The following IPCEF1 variants were observed in gnomAD, a reference collection of about 807,000 sequenced individuals.
IPCEF1 encodes the protein interaction protein for cytohesin exchange factors 1.
Under a neutral mutation model 50.9 loss-of-function variants are expected in IPCEF1, and 31 were observed. The observed-to-expected ratio is 0.61, with a 90% confidence interval of 0.46 to 0.82. IPCEF1 has a LOEUF of 0.82. IPCEF1 is among the 40% of genes least tolerant of loss of function. The pLI, the probability that IPCEF1 is intolerant of heterozygous loss-of-function variation, is 0.00. For missense variants in IPCEF1, 458 were observed against 514.0 expected (o/e 0.89, Z 1.05); for synonymous variants, 181 against 192.0 (o/e 0.94, Z 0.47).
At chr6:154,177,543 G>T (rs1217558301) in intron 10 of IPCEF1, among the ~76,000 whole-genome samples, 1 of 152,106 alleles carries the variant, frequency 6.6e-6, no homozygotes, top group African/African-American at 2.4e-5. Flanking sequence ...AAAAAATGCT[G>T]ATCATCACTG....
chr6:154,168,166 G>A lies in IPCEF1; in HGVS notation c.911-53C>T. On this transcript the variant is annotated intron_variant, in intron 10 of 11. Transcript: ENST00000367220. The surrounding 1 kb of genome is among the most constrained non-coding windows in gnomAD (Gnocchi z 4.1). Reference sequence around the variant, plus strand: ...AACAATAAACCCAGTGAAAAATCAAGGAGAGAACATTCAATACTGTGGTCC... The same window carrying A: ...AACAATAAACCCAGTGAAAAATCAAAGAGAGAACATTCAATACTGTGGTCC... 1.6e-5 allele frequency: 22 copies of A among 1,383,696 alleles called. No individual in the cohort carries two copies. Among genetic ancestry groups the A allele is most frequent in the Non-Finnish European group, 2.1e-5 (21 of 1,017,608 alleles). 85.7% of individuals were successfully genotyped at this position (1,383,696 alleles called of 1,614,324 possible).
chr6:154,201,276 T>C (rs564889231), intron 9 of IPCEF1, among the ~76,000 whole-genome samples: 1 of 152,362 alleles, frequency 6.6e-6, no homozygotes, highest in African/African-American at 2.4e-5. Context: ...TCATTTATTC[T>C]GAGATTTTTA....
chr6:154,242,201 G>A (rs1197927004), intron 5 of IPCEF1, among the ~76,000 whole-genome samples: 1 of 152,130 alleles, frequency 6.6e-6, no homozygotes, highest in Non-Finnish European at 1.5e-5. Context: ...ACTTCTCAAA[G>A]ATCCTAATAA....
chr6:154,172,726 G>C (rs1019010010), intron 10 of IPCEF1, among the ~76,000 whole-genome samples: 1 of 152,246 alleles, frequency 6.6e-6, no homozygotes, highest in African/African-American at 2.4e-5. Context: ...ACCTCTGGGG[G>C]CAGGGCATAT....
chr6:154,174,005 G>A (rs1229350187), intron 10 of IPCEF1, among the ~76,000 whole-genome samples: 2 of 152,146 alleles, frequency 1.3e-5, no homozygotes, highest in Admixed American at 6.5e-5. Context: ...AGAAGAGAGT[G>A]GGGGCCAATA....
chr6:154,275,492 G>A (rs925056269), intron 2 of IPCEF1, among the ~76,000 whole-genome samples: 2 of 152,170 alleles, frequency 1.3e-5, no homozygotes, highest in African/African-American at 4.8e-5. Flanking sequence ...AGCTGATACA[G>A]TGCTCTAGAA....
At chr6:154,296,777 G>A (rs922338702) in intron 1 of IPCEF1, among the ~76,000 whole-genome samples, 2 of 150,788 alleles carry the variant, frequency 1.3e-5, no homozygotes, top group Non-Finnish European at 3.0e-5. Context: ...TGCAGTGAGC[G>A]GAGATCACCC....
intron 5 of IPCEF1, among the ~76,000 whole-genome samples, chr6:154,239,404 A>G (rs1780397068): frequency 6.6e-6 from 1 of 152,248 alleles, no homozygotes; most frequent in African/African-American, 2.4e-5. Flanking sequence ...CCATTTAAAA[A>G]TTCATTTCCA....
At chr6:154,286,679 T>A (rs2128666864) in intron 2 of IPCEF1, among the ~76,000 whole-genome samples, 1 of 152,134 alleles carries the variant, frequency 6.6e-6, no homozygotes, top group Admixed American at 6.5e-5. Flanking sequence ...AAATGGGGAA[T>A]GGGGAGAGCA....
intron 10 of IPCEF1, among the ~76,000 whole-genome samples, chr6:154,180,414 A>ATTTTTTTTTT (rs761333730): frequency 4.6e-5 from 3 of 65,270 alleles, no homozygotes; most frequent in African/African-American, 1.4e-4. Context: ...ATATATATAT[A>ATTTTTTTTTT]TTTTTTTTTT....
At chr6:154,190,400 G>A (rs9478515) in intron 10 of IPCEF1, among the ~76,000 whole-genome samples, 13 of 152,008 alleles carry the variant, frequency 8.6e-5, no homozygotes, top group South Asian at 2.1e-4. Context: ...GCAAAAAAGC[G>A]TATGAAAAGA....
intron 3 of IPCEF1, among the ~76,000 whole-genome samples, chr6:154,261,439 A>G (rs1260550502): frequency 6.6e-6 from 1 of 152,186 alleles, no homozygotes; most frequent in Admixed American, 6.5e-5. Flanking sequence ...TCATGTGGCA[A>G]TTGGATTGGA....
chr6:154,306,317 G>A (rs1583971402), intron 1 of IPCEF1, among the ~76,000 whole-genome samples: 1 of 151,938 alleles, frequency 6.6e-6, no homozygotes. Flanking sequence ...GAATGACCTC[G>A]AGTTAGAGTC....
chr6:154,323,260 C>T (rs964510552), intron 1 of IPCEF1, among the ~76,000 whole-genome samples: 1 of 152,148 alleles, frequency 6.6e-6, no homozygotes, highest in East Asian at 1.9e-4. Context: ...TTGCCCCTAG[C>T]GCCCCTCAAC....
In IPCEF1 at chr6:154,158,992, T is replaced by A. The variant is rs1185452396; in HGVS notation, c.*836A>T. 1 of 152,300 alleles carries A rather than the reference T, an allele frequency of 6.6e-6. No individual in the cohort carries two copies. The highest frequency in any genetic ancestry group is 1.9e-4 in the East Asian group (1 of 5,188). 9.4% of individuals were successfully genotyped at this position (152,300 alleles called of 1,614,324 possible). On this transcript the variant is annotated 3_prime_UTR_variant, in exon 12 of 12. Transcript: ENST00000367220. ...CAATATTGATCCTGGGAAACCTGGA[T>A]ATAAATTCACACTATGTATAGGGAT...
intron 5 of IPCEF1, among the ~76,000 whole-genome samples, chr6:154,226,253 T>C (rs911367691): frequency 1.3e-5 from 2 of 152,124 alleles, no homozygotes; most frequent in African/African-American, 4.8e-5. Context: ...TCCACATATA[T>C]CCAAAATCCA....
chr6:154,326,760 A>G (rs1444416054), intron 1 of IPCEF1, among the ~76,000 whole-genome samples: 4 of 152,218 alleles, frequency 2.6e-5, no homozygotes, highest in Non-Finnish European at 5.9e-5. Context: ...TAGCCAAGAC[A>G]ATCCTAAGCA....
intron 3 of IPCEF1, among the ~76,000 whole-genome samples, chr6:154,254,534 C>T (rs1008514741): frequency 2.6e-5 from 4 of 152,228 alleles, no homozygotes; most frequent in African/African-American, 9.6e-5. Flanking sequence ...GTCCCTCCCT[C>T]AACATGCAGA....
intron 3 of IPCEF1, among the ~76,000 whole-genome samples, chr6:154,253,225 A>G (rs1471357451): frequency 6.6e-6 from 1 of 151,968 alleles, no homozygotes; most frequent in Non-Finnish European, 1.5e-5. Flanking sequence ...CCTTGTAGAG[A>G]CAGGGTCTCG....
Sources: gnomAD v4.1 joint callset for allele counts (sites outside exome capture counted in the v4.1 genomes callset) on GRCh38, gnomAD v4.1.1 for gene constraint, Gnocchi (gnomAD v3.1) non-coding constraint, MANE v1.5 for transcripts, NCBI Gene and HGNC (gene_info 2026-07-23, HGNC 2026-07-21) for gene names.